Variants in EXOC4 observed in about 807,000 individuals in gnomAD.
The protein encoded by EXOC4 is SEC8-like 1.
In EXOC4, 71 loss-of-function variants were observed where a neutral mutation model predicts 107.2. That is an observed-to-expected ratio of 0.66 (90% CI 0.55 to 0.81). EXOC4 has a LOEUF of 0.81. Among genes scored for constraint, EXOC4 ranks in the 30% least tolerant of loss-of-function variants. The probability of loss-of-function intolerance (pLI) is 0.00; values close to 1 mark genes in which losing one functional copy is unlikely to be tolerated. For synonymous variants in EXOC4, 456 were observed against 441.2 expected (o/e 1.03, Z -0.42); for missense variants, 1,108 against 1,189.6 (o/e 0.93, Z 1.01).
intron 17 of EXOC4, among the ~76,000 whole-genome samples, chr7:134,038,968 C>T (rs376686253): frequency 6.6e-6 from 1 of 152,166 alleles, no homozygotes; most frequent in East Asian, 1.9e-4. Flanking sequence ...CATGGTAAAT[C>T]CCATAACCTG....
At chr7:133,792,387 T>A (rs1346176964) in intron 10 of EXOC4, among the ~76,000 whole-genome samples, 1 of 151,916 alleles carries the variant, frequency 6.6e-6, no homozygotes, top group Admixed American at 6.6e-5. Flanking sequence ...ACCTCGTCTC[T>A]ACCAAAAATT....
At chr7:133,324,453 T>C (rs1278504855) in intron 5 of EXOC4, among the ~76,000 whole-genome samples, 1 of 152,244 alleles carries the variant, frequency 6.6e-6, no homozygotes, top group African/African-American at 2.4e-5. Flanking sequence ...TATTTCTGCC[T>C]TCATTTTGTT....
chr7:134,039,252 C>G (rs991194270), intron 17 of EXOC4, among the ~76,000 whole-genome samples: 11 of 152,084 alleles, frequency 7.2e-5, no homozygotes, highest in African/African-American at 2.7e-4. Flanking sequence ...GTACTCCTAA[C>G]TTGGAGTGCA....
In EXOC4 at chr7:133,630,062, T is replaced by C; in HGVS notation, c.1435T>C (p.Leu479=). 6.2e-7 allele frequency: 1 copy of C among 1,613,856 alleles called. No individual in the cohort carries two copies. Among genetic ancestry groups the C allele is most frequent in the Non-Finnish European group, 8.5e-7 (1 of 1,179,764 alleles). The change falls in exon 10 of 18, where the codon TTA becomes CTA. Residue 479 remains leucine (L), a synonymous_variant. Coordinates refer to ENST00000253861, the MANE Select transcript of EXOC4 (RefSeq NM_021807.4). ...GELQGGPDDN[L]IEGGGTKFVC... ...TCTGAAAGGGGGTCCTGATGACAAC[T>C]TAATTGAAGGTGGAGGAACAAAATT...
intron 10 of EXOC4, among the ~76,000 whole-genome samples, chr7:133,749,416 A>G (rs1795743833): frequency 6.6e-6 from 1 of 152,036 alleles, no homozygotes; most frequent in African/African-American, 2.4e-5. Flanking sequence ...TTTTTGAGCC[A>G]GAGTCTCACT....
At chr7:133,738,636 G>A (rs957328211) in intron 10 of EXOC4, among the ~76,000 whole-genome samples, 5 of 152,036 alleles carry the variant, frequency 3.3e-5, no homozygotes, top group African/African-American at 4.8e-5. Context: ...ATGTATTTTT[G>A]GAGTTTTGAA....
At chr7:133,705,948 A>G (rs73150886) in intron 10 of EXOC4, among the ~76,000 whole-genome samples, 1 of 152,370 alleles carries the variant, frequency 6.6e-6, no homozygotes, top group Non-Finnish European at 1.5e-5. Flanking sequence ...AAAACTGTAG[A>G]TAAGGAGGAA....
intron 11 of EXOC4, among the ~76,000 whole-genome samples, chr7:133,880,870 A>G (rs1798951297): frequency 6.6e-6 from 1 of 152,186 alleles, no homozygotes; most frequent in South Asian, 2.1e-4. Flanking sequence ...TTATTGGCAA[A>G]TAAGTTTAAC....
intron 10 of EXOC4, among the ~76,000 whole-genome samples, chr7:133,768,683 A>G (rs1796186200): frequency 6.6e-6 from 1 of 151,970 alleles, no homozygotes; most frequent in African/African-American, 2.4e-5. Flanking sequence ...TGAATTCCCT[A>G]AAATTTGTTG....
At chr7:133,668,509 T>A (rs557681539) in intron 10 of EXOC4, among the ~76,000 whole-genome samples, 1 of 152,348 alleles carries the variant, frequency 6.6e-6, no homozygotes, top group South Asian at 2.1e-4. Context: ...ATTATCTTGA[T>A]TGGTGCAACC....
In EXOC4 at chr7:133,289,011, G is replaced by A; in HGVS notation, c.366G>A (p.Lys122=). 6.2e-7 allele frequency: 1 copy of A among 1,614,192 alleles called. No homozygotes were observed. The highest frequency in any genetic ancestry group is 8.5e-7 in the Non-Finnish European group (1 of 1,180,006). The part of the protein sequence containing the change: ...RKLWIEGIEH[K]HVLNLLDEIE... The stretch of plus-strand genomic sequence containing the variant: ...TGTGGATTGAAGGAATTGAGCATAA[G>A]CATGTCCTGAACTTGTTGGATGAAA... The change falls in exon 3 of 18, where the codon AAG becomes AAA. Residue 122 remains lysine, a synonymous_variant. Transcript: ENST00000253861.
At chr7:133,484,094 A>G in intron 9 of EXOC4, 1 of 1,613,578 alleles carries the variant, frequency 6.2e-7, no homozygotes, top group Non-Finnish European at 8.5e-7. Context: ...TAAAAAGCTC[A>G]AATTTTACAA....
chr7:133,680,945 G>T (rs1381128106), intron 10 of EXOC4, among the ~76,000 whole-genome samples: 5 of 152,126 alleles, frequency 3.3e-5, no homozygotes, highest in Non-Finnish European at 5.9e-5. Flanking sequence ...CATTATAAAA[G>T]AAATTTAAAT....
At chr7:133,981,874 T>A (rs547224150) in intron 14 of EXOC4, among the ~76,000 whole-genome samples, 2 of 152,148 alleles carry the variant, frequency 1.3e-5, no homozygotes, top group Non-Finnish European at 2.9e-5. Context: ...CAATGGCAGA[T>A]TGGATAAAGA....
chr7:133,596,718 T>C (rs948465770), intron 9 of EXOC4, among the ~76,000 whole-genome samples: 2 of 152,156 alleles, frequency 1.3e-5, no homozygotes, highest in Non-Finnish European at 1.5e-5. Context: ...GGTTCCAGGA[T>C]GGGCACTAGT....
chr7:133,791,267 A>G (rs951675987), intron 10 of EXOC4, among the ~76,000 whole-genome samples: 6 of 152,196 alleles, frequency 3.9e-5, no homozygotes, highest in African/African-American at 1.4e-4. Context: ...TAGTGTATTT[A>G]TGAATATGAA....
intron 9 of EXOC4, among the ~76,000 whole-genome samples, chr7:133,545,765 G>T (rs1800468065): frequency 6.6e-6 from 1 of 152,142 alleles, no homozygotes; most frequent in Non-Finnish European, 1.5e-5. Context: ...GCTTAAATGT[G>T]CTGGTGCTAG....
chr7:133,780,900 G>T (rs1242060365), intron 10 of EXOC4, among the ~76,000 whole-genome samples: 1 of 152,194 alleles, frequency 6.6e-6, no homozygotes, highest in African/African-American at 2.4e-5. Flanking sequence ...TTTATCTCCT[G>T]AAATGCTAAG....
At chr7:133,377,523 A>G (rs941918759) in intron 7 of EXOC4, among the ~76,000 whole-genome samples, 10 of 152,160 alleles carry the variant, frequency 6.6e-5, no homozygotes, top group East Asian at 3.8e-4. Context: ...CAAAGCTATA[A>G]TATCTTCAAG....
Sources: gnomAD v4.1 joint callset for allele counts (sites outside exome capture counted in the v4.1 genomes callset) on GRCh38, gnomAD v4.1.1 for gene constraint, MANE v1.5 for transcripts, NCBI Gene and HGNC (gene_info 2026-07-23, HGNC 2026-07-21) for gene names.